PREX1: variants seen among roughly 807,000 people sequenced by gnomAD.
The protein encoded by PREX1 is phosphatidylinositol 3,4,5-trisphosphate-dependent Rac exchanger 1 protein.
A neutral mutation model predicts 198.3 loss-of-function variants in PREX1; 41 were observed. The observed-to-expected ratio is 0.21, with a 90% confidence interval of 0.16 to 0.27. The LOEUF (loss-of-function observed/expected upper bound fraction) is 0.27. PREX1 is among the 10% of genes least tolerant of loss of function. The probability of loss-of-function intolerance (pLI) is 1.00; values close to 1 mark genes in which losing one functional copy is unlikely to be tolerated. For missense variants in PREX1, 1,620 were observed against 2,200.7 expected (o/e 0.74, Z 5.28); for synonymous variants, 843 against 887.2 (o/e 0.95, Z 0.89).
At position 48,636,603 on chromosome 20, in the gene PREX1, G is replaced by A. The variant is rs2089366396; in HGVS notation, c.4027C>T (p.Leu1343=). The A allele has an allele frequency of 1.4e-5, 22 of 1,611,742 alleles. No homozygotes were observed. Among genetic ancestry groups the A allele is most frequent in the Non-Finnish European group, 1.9e-5 (22 of 1,179,578 alleles). Residue 1343 remains leucine (L), a synonymous_variant, in exon 32 of 40, where the codon CTG becomes TTG. Transcript: ENST00000371941. ...AAVCTFSKQL[L]AALGYRYNNN... ...TTGTAGCGGTAGCCCAGGGCCGCCA[G>A]CAGCTGCTTGGAGAAGGTGCACACG...
intron 3 of PREX1, among the ~76,000 whole-genome samples, chr20:48,735,598 T>C (rs1427893658): frequency 6.7e-6 from 1 of 149,734 alleles, no homozygotes; most frequent in Non-Finnish European, 1.5e-5. Context: ...ACCCAGCACA[T>C]AGTACAGGCT....
chr20:48,860,316 T>C, the PREX1 span, among the ~76,000 whole-genome samples: 5 of 152,142 alleles, frequency 3.3e-5, no homozygotes, highest in Admixed American at 3.3e-4. Flanking sequence ...ATGAGGTCCC[T>C]AGAGTAGTCA....
intron 1 of PREX1, among the ~76,000 whole-genome samples, chr20:48,795,005 CAA>C (rs1354197199): frequency 6.6e-6 from 1 of 152,102 alleles, no homozygotes; most frequent in African/African-American, 2.4e-5. Flanking sequence ...AAAATGTCAC[CAA>C]AAGTCAGGTG....
chr20:48,671,515 C>T (rs2089675177), intron 14 of PREX1, among the ~76,000 whole-genome samples: 1 of 152,170 alleles, frequency 6.6e-6, no homozygotes, highest in South Asian at 2.1e-4. Flanking sequence ...CAGCCAAACG[C>T]ATGTGTAACT....
Position 48,656,526 on chromosome 20 carries a change from G to A in PREX1, c.2123+514C>T, listed in dbSNP as rs773780375. 1.1e-5 allele frequency: 5 copies of A among 456,730 alleles called. 1 individual carries two copies. The highest frequency in any genetic ancestry group is 7.0e-5 in the East Asian group (1 of 14,384). 28.3% of individuals were successfully genotyped at this position (456,730 alleles called of 1,614,324 possible). A position where few individuals can be genotyped will look rare whatever the true frequency, so the allele number is the denominator to read the frequency against. On this transcript the variant is annotated intron_variant, in intron 18 of 39. Coordinates refer to ENST00000371941, the MANE Select transcript of PREX1 (RefSeq NM_020820.4). ...TCTGCTCTTCCAATGCGCCAGACAC[G>A]GTCCCACTTCAGGGCCTCTGCCCTA...
the PREX1 span, among the ~76,000 whole-genome samples, chr20:48,847,404 T>C: frequency 7.6e-6 from 1 of 130,754 alleles, no homozygotes; most frequent in Non-Finnish European, 1.7e-5. Flanking sequence ...CCCAAATGAC[T>C]AATAAATAAA....
At position 48,641,074 on chromosome 20, in the gene PREX1, G is replaced by A. The variant is rs554604357; in HGVS notation, c.3775+1094C>T. Among the ~76,000 whole-genome samples the A allele has an allele frequency of 8.6e-5, 13 of 152,032 alleles. No individual in the cohort carries two copies. In the East Asian group the frequency reaches 2.5e-3, roughly 29 times the overall value. On this transcript the variant is annotated intron_variant, in intron 29 of 39. Transcript: ENST00000371941. ...ACAGTGGGAGGGTAGATGGGTGGAT[G>A]CACGGATAGTAGGTTGGGTGGATGA...
chr20:48,858,180 C>A, the PREX1 span, among the ~76,000 whole-genome samples: 1 of 152,220 alleles, frequency 6.6e-6, no homozygotes, highest in East Asian at 1.9e-4. Context: ...TTCTTCAGAG[C>A]CAAGGCTCAC....
At chr20:48,877,225 C>G in the PREX1 span, among the ~76,000 whole-genome samples, 41 of 150,958 alleles carry the variant, frequency 2.7e-4, 1 homozygote, top group South Asian at 8.4e-3. Flanking sequence ...GAGCCAAGAT[C>G]GTGCCATTGC....
At chr20:48,818,791 T>C (rs1413253930) in intron 1 of PREX1, among the ~76,000 whole-genome samples, 1 of 152,232 alleles carries the variant, frequency 6.6e-6, no homozygotes, top group Non-Finnish European at 1.5e-5. Flanking sequence ...AGGGGCACCT[T>C]CCTTTGTCTC....
At chr20:48,651,079 G>A in intron 22 of PREX1, 24 bp from the exon 23 acceptor site, 1 of 1,611,902 alleles carries the variant, frequency 6.2e-7, no homozygotes, top group Non-Finnish European at 8.5e-7. Context: ...AACAGCTACT[G>A]AGCATTCCCT....
At chr20:48,718,106 T>C (rs1413451251) in intron 5 of PREX1, among the ~76,000 whole-genome samples, 1 of 152,234 alleles carries the variant, frequency 6.6e-6, no homozygotes, top group East Asian at 1.9e-4. Flanking sequence ...TACTCACTCG[T>C]TTCCTGCACG....
At chr20:48,746,788 A>G (rs1426845792) in intron 2 of PREX1, among the ~76,000 whole-genome samples, 1 of 152,208 alleles carries the variant, frequency 6.6e-6, no homozygotes, top group East Asian at 1.9e-4. Context: ...ATAAACTGTA[A>G]TAAGTCGCAG....
At chr20:48,654,127 G>A (rs748631914) in intron 19 of PREX1, among the ~76,000 whole-genome samples, 6 of 152,190 alleles carry the variant, frequency 3.9e-5, no homozygotes, top group Admixed American at 6.5e-5. Context: ...GCCATAGACC[G>A]ACCCTGGAAC....
chr20:48,701,892 G>A (rs1243710904), intron 6 of PREX1, among the ~76,000 whole-genome samples: 3 of 152,158 alleles, frequency 2.0e-5, no homozygotes, highest in Admixed American at 1.3e-4. Flanking sequence ...CATCAGGGAG[G>A]AGTGAGCAGA....
At chr20:48,833,592 C>T in the PREX1 span, among the ~76,000 whole-genome samples, 1 of 151,984 alleles carries the variant, frequency 6.6e-6, no homozygotes, top group African/African-American at 2.4e-5. Flanking sequence ...CAGGTGCCCG[C>T]CACCACGCCC....
the PREX1 span, among the ~76,000 whole-genome samples, chr20:48,862,790 A>AAAAAAAAAAAAAAAATATAG: frequency 9.7e-6 from 1 of 102,584 alleles, no homozygotes; most frequent in Non-Finnish European, 1.9e-5. Context: ...TAAAAAAAAA[A>AAAAAAAAAAAAAAAATATAG]ATATATATAT....
intron 1 of PREX1, among the ~76,000 whole-genome samples, chr20:48,782,275 A>G (rs1414638102): frequency 6.6e-6 from 1 of 152,156 alleles, no homozygotes; most frequent in Non-Finnish European, 1.5e-5. Context: ...TCATGGGGGA[A>G]GTTTCCCCCA....
intron 1 of PREX1, among the ~76,000 whole-genome samples, chr20:48,824,490 G>C: frequency 6.6e-6 from 1 of 152,144 alleles, no homozygotes; most frequent in Admixed American, 6.5e-5. Context: ...CTCTCTGGAT[G>C]CTGAAGTCCC....
Sources: gnomAD v4.1 joint callset for allele counts (sites outside exome capture counted in the v4.1 genomes callset) on GRCh38, gnomAD v4.1.1 for gene constraint, MANE v1.5 for transcripts, NCBI Gene and HGNC (gene_info 2026-07-23, HGNC 2026-07-21) for gene names.